Variants in FER observed in about 807,000 individuals in gnomAD.
FER encodes the protein FER tyrosine kinase.
In FER, 63 loss-of-function variants were observed where a neutral mutation model predicts 111.0. The observed-to-expected ratio is 0.57, with a 90% CI of 0.46 to 0.70. The LOEUF (loss-of-function observed/expected upper bound fraction) is 0.70, where lower values mean the gene tolerates loss of function less well. FER is among the 30% of genes least tolerant of loss of function. The pLI is 0.00. For missense variants in FER, 914 were observed against 954.0 expected, an observed-to-expected ratio of 0.96 and a Z score of 0.55; for synonymous variants, 327 against 313.9, an observed-to-expected ratio of 1.04 and a Z score of -0.44.
At chr5:109,051,133 C>G (rs575765190) in intron 16 of FER, among the ~76,000 whole-genome samples, 1 of 152,314 alleles carries the variant, frequency 6.6e-6, no homozygotes, top group East Asian at 1.9e-4. Flanking sequence ...CTCCACCCAT[C>G]TACCCCATAC....
In FER at chr5:108,871,407, C is replaced by G. The variant is rs1764586333; in HGVS notation, c.708C>G (p.Val236=). 6.2e-7 allele frequency: 1 copy of G among 1,611,764 alleles called. No homozygotes were observed. Among genetic ancestry groups the G allele is most frequent in the Non-Finnish European group, 8.5e-7 (1 of 1,178,506 alleles). ...AATACAGCCAGATAACCAGTCTTGT[C>G]ACAGAGGAAATAGTGAATGTCCATA... The part of the protein sequence containing the change: ...FDEYSQITSL[V]TEEIVNVHKE... Residue 236 remains valine (V), a synonymous_variant, in exon 7 of 20, where the codon GTC becomes GTG. Coordinates refer to ENST00000281092, the MANE Select transcript of FER (RefSeq NM_005246.4).
chr5:108,800,501 C>A (rs1048059501), intron 3 of FER, among the ~76,000 whole-genome samples: 2 of 152,068 alleles, frequency 1.3e-5, no homozygotes, highest in African/African-American at 4.8e-5. Context: ...TAGGCATGCG[C>A]CACCATAACT....
intron 16 of FER, among the ~76,000 whole-genome samples, chr5:109,092,626 G>T (rs995970917): frequency 1.3e-5 from 2 of 151,606 alleles, no homozygotes; most frequent in African/African-American, 4.8e-5. Flanking sequence ...TGGAGAGGAT[G>T]TGGAGAAAAC....
At chr5:109,007,358 T>A (rs1765628404) in intron 13 of FER, among the ~76,000 whole-genome samples, 4 of 152,186 alleles carry the variant, frequency 2.6e-5, no homozygotes, top group Admixed American at 2.6e-4. Flanking sequence ...TAATTCTTTT[T>A]AGCATATAGT....
chr5:109,074,498 T>G (rs1776105298), intron 16 of FER, among the ~76,000 whole-genome samples: 1 of 152,238 alleles, frequency 6.6e-6, no homozygotes, highest in Non-Finnish European at 1.5e-5. Flanking sequence ...CTACAAAATT[T>G]AATTTAAATT....
chr5:108,928,186 A>G (rs752642782), intron 10 of FER, among the ~76,000 whole-genome samples: 35 of 152,192 alleles, frequency 2.3e-4, no homozygotes, highest in Non-Finnish European at 3.8e-4. Flanking sequence ...TTCTTGTGGC[A>G]CTAAGTTTAT....
At chr5:109,002,871 T>C (rs902539545) in intron 13 of FER, among the ~76,000 whole-genome samples, 2 of 152,306 alleles carry the variant, frequency 1.3e-5, no homozygotes, top group African/African-American at 2.4e-5. Context: ...AAAATGCTCA[T>C]CATCACTGGC....
At chr5:109,061,895 A>G (rs1003195677) in intron 16 of FER, among the ~76,000 whole-genome samples, 5 of 152,220 alleles carry the variant, frequency 3.3e-5, no homozygotes, top group African/African-American at 1.2e-4. Flanking sequence ...TTGGAATCAT[A>G]AATCCAAAAT....
At position 109,076,558 on chromosome 5, in the gene FER, C is replaced by G. The variant is rs1055286732; in HGVS notation, c.1925-23838C>G. ...GATCCTCCATTCTTCCCACCTCAGC[C>G]TCTCAAGTAGTTGTGACTACAGGGG... On this transcript the variant is annotated intron_variant, in intron 16 of 19. Coordinates refer to ENST00000281092, the MANE Select transcript of FER (RefSeq NM_005246.4). 2.0e-5 allele frequency among the ~76,000 whole-genome samples: 3 copies of G among 152,226 alleles called. No homozygotes were observed. In the South Asian group the frequency reaches 6.2e-4, roughly 32 times the overall value.
chr5:109,195,212 C>G lies in FER; in HGVS notation c.*7637C>G, dbSNP rs1759656860. ...GTGCCCAGAGCCATGCTTGATAGGA[C>G]TTTGAATATTTTCTCCTTAATTAAA... is the stretch of plus-strand genomic sequence containing the variant. On this transcript the variant is annotated 3_prime_UTR_variant, in exon 20 of 20. Coordinates refer to ENST00000281092, the MANE Select transcript of FER (RefSeq NM_005246.4). The G allele has an allele frequency of 6.6e-6, 1 of 152,150 alleles. No homozygotes were observed. The highest frequency in any genetic ancestry group is 1.5e-5 in the Non-Finnish European group (1 of 68,038). 9.4% of individuals were successfully genotyped at this position (152,150 alleles called of 1,614,324 possible).
At chr5:109,186,512 C>T (rs1472522637) in intron 19 of FER, among the ~76,000 whole-genome samples, 190 bp downstream of exon 19, 2 of 152,082 alleles carry the variant, frequency 1.3e-5, no homozygotes, top group East Asian at 1.9e-4. Flanking sequence ...GATTTCAATG[C>T]GAGAGAGAGG....
In FER at chr5:109,047,122, T is replaced by G; in HGVS notation, c.1848T>G (p.Asp616Glu). ...CATCTAGAATTCTCAAGCAATATGA[T>G]CATCCCAATATTGTCAAACTTATAG... ...LQEAKILKQY[D>E]HPNIVKLIGV... The change falls in exon 16 of 20, where the codon GAT (aspartate) becomes GAG (glutamate). Residue 616 changes from aspartate to glutamate, a missense_variant. Transcript: ENST00000281092. The G allele has an allele frequency of 6.3e-7, 1 of 1,589,320 alleles. No homozygotes were observed. The highest frequency in any genetic ancestry group is 8.6e-7 in the Non-Finnish European group (1 of 1,163,832).
At chr5:108,933,122 C>T (rs1223395621) in intron 10 of FER, among the ~76,000 whole-genome samples, 1 of 152,106 alleles carries the variant, frequency 6.6e-6, no homozygotes, top group Non-Finnish European at 1.5e-5. Context: ...TCAATTTTGG[C>T]TTTTGTTGCC....
rs1759753124 is a variant in FER, at chr5:109,196,492, A to C, written c.*8917A>C. 6.6e-6 allele frequency: 1 copy of C among 152,228 alleles called. No homozygotes were observed. Among genetic ancestry groups the C allele is most frequent in the Non-Finnish European group, 1.5e-5 (1 of 68,034 alleles). The allele number at this position is 152,228 out of a possible 1,614,324, so 9.4% of individuals were successfully genotyped here. On this transcript the variant is annotated 3_prime_UTR_variant, in exon 20 of 20. Coordinates refer to ENST00000281092, the MANE Select transcript of FER (RefSeq NM_005246.4). ...CTGGAAAGTTCAGTGTAAAACACAA[A>C]CAAGGCTTTGGCGGGTTTATCTGGC...
intron 5 of FER, among the ~76,000 whole-genome samples, chr5:108,862,005 C>T (rs1218357347): frequency 2.0e-5 from 3 of 152,162 alleles, no homozygotes; most frequent in African/African-American, 7.2e-5. Flanking sequence ...AATGTGCATG[C>T]ATAAGTATGC....
chr5:108,853,969 C>A (rs1762763600), intron 5 of FER, among the ~76,000 whole-genome samples: 1 of 152,160 alleles, frequency 6.6e-6, no homozygotes, highest in African/African-American at 2.4e-5. Flanking sequence ...GGCAAGGGGT[C>A]ATGCTGGTTT....
intron 17 of FER, among the ~76,000 whole-genome samples, chr5:109,152,002 G>C (rs892025121): frequency 3.3e-5 from 5 of 152,058 alleles, no homozygotes; most frequent in African/African-American, 1.2e-4. Flanking sequence ...AGACTTTCGG[G>C]CAACCGTAGC....
At position 109,135,850 on chromosome 5, in the gene FER, G is replaced by A. The variant is rs181753248; in HGVS notation, c.2048+35331G>A. On this transcript the variant is annotated intron_variant, in intron 17 of 19. Transcript: ENST00000281092. ...ATAAGGTGAAGTTCTAATAACCAGC[G>A]CTCAAAAACAGAAAAGAAAGCAAAA... 2.5e-3 allele frequency among the ~76,000 whole-genome samples: 380 copies of A among 152,178 alleles called. 2 individuals are homozygous for A. Among genetic ancestry groups the A allele is most frequent in the African/African-American group, 8.8e-3 (366 of 41,516 alleles).
At chr5:108,853,087 T>G (rs1762684835) in intron 5 of FER, among the ~76,000 whole-genome samples, 1 of 152,130 alleles carries the variant, frequency 6.6e-6, no homozygotes, top group Admixed American at 6.5e-5. Context: ...AATATTAGTT[T>G]TGGACTTAAT....
Sources: gnomAD v4.1 joint callset for allele counts (sites outside exome capture counted in the v4.1 genomes callset) on GRCh38, gnomAD v4.1.1 for gene constraint, MANE v1.5 for transcripts, NCBI Gene and HGNC (gene_info 2026-07-23, HGNC 2026-07-21) for gene names.